Variants in RIMS2 observed in about 807,000 individuals in gnomAD.
RIMS2 encodes regulating synaptic membrane exocytosis 2.
In RIMS2, 59 loss-of-function variants were observed where a neutral mutation model predicts 174.4. The observed-to-expected ratio is 0.34, with a 90% CI of 0.27 to 0.42. The LOEUF is 0.42. Ranked by LOEUF, RIMS2 falls within the 10% of genes least tolerant of loss-of-function variation. The probability of loss-of-function intolerance (pLI) is 1.00; values close to 1 mark genes in which losing one functional copy is unlikely to be tolerated. For synonymous variants in RIMS2, 606 were observed against 572.5 expected, an observed-to-expected ratio of 1.06 and a Z score of -0.84; for missense variants, 1,620 against 1,666.3, an observed-to-expected ratio of 0.97 and a Z score of 0.48.
intron 1 of RIMS2, among the ~76,000 whole-genome samples, chr8:103,649,648 C>CTTTTT (rs71575979): frequency 2.1e-5 from 3 of 143,406 alleles, no homozygotes; most frequent in Non-Finnish European, 3.0e-5. Flanking sequence ...CCTTTTCATT[C>CTTTTT]TTTTTTTTTT....
At chr8:104,142,919 T>A (rs1256912789) in intron 19 of RIMS2, among the ~76,000 whole-genome samples, 1 of 152,198 alleles carries the variant, frequency 6.6e-6, no homozygotes, top group Non-Finnish European at 1.5e-5. Context: ...ATGTTAAAAA[T>A]ACTAAACTTT....
chr8:103,535,803 C>T (rs1839477625), intron 1 of RIMS2, among the ~76,000 whole-genome samples: 1 of 152,154 alleles, frequency 6.6e-6, no homozygotes, highest in African/African-American at 2.4e-5. Context: ...ACATAAGGAA[C>T]AAAGTTCAGA....
At chr8:103,827,759 C>T (rs374136188) in intron 3 of RIMS2, among the ~76,000 whole-genome samples, 22 of 151,986 alleles carry the variant, frequency 1.4e-4, no homozygotes, top group African/African-American at 4.1e-4. Flanking sequence ...CGCTTGAACC[C>T]GGGAGGCAGA....
intron 19 of RIMS2, among the ~76,000 whole-genome samples, chr8:104,065,779 T>A (rs1304831524): frequency 6.6e-6 from 1 of 152,140 alleles, no homozygotes. Context: ...AATTTTCCAA[T>A]TTGGGAACTG....
intron 1 of RIMS2, among the ~76,000 whole-genome samples, chr8:103,648,101 G>C (rs1439409968): frequency 6.6e-6 from 1 of 151,828 alleles, no homozygotes; most frequent in Non-Finnish European, 1.5e-5. Context: ...GCGTCCCAGA[G>C]CTTTGGGTAC....
At chr8:104,080,025 T>C (rs2062100287) in intron 19 of RIMS2, among the ~76,000 whole-genome samples, 2 of 152,050 alleles carry the variant, frequency 1.3e-5, no homozygotes, top group Non-Finnish European at 2.9e-5. Context: ...TGGGTAATAG[T>C]CAAAAGCATG....
chr8:103,939,563 G>T (rs1274412794), intron 13 of RIMS2, among the ~76,000 whole-genome samples: 2 of 152,230 alleles, frequency 1.3e-5, no homozygotes. Context: ...TTTCCACATT[G>T]CGGATAGGCG....
At chr8:103,711,500 G>C (rs1370218253) in intron 2 of RIMS2, among the ~76,000 whole-genome samples, 1 of 152,156 alleles carries the variant, frequency 6.6e-6, no homozygotes, top group African/African-American at 2.4e-5. Flanking sequence ...AGCCAGATTT[G>C]ATGGTTTAAC....
chr8:103,683,765 G>C (rs1488856807), intron 1 of RIMS2, among the ~76,000 whole-genome samples: 1 of 152,134 alleles, frequency 6.6e-6, no homozygotes, highest in East Asian at 1.9e-4. Context: ...TCTTTTAAAT[G>C]GTGGGAGAAG....
At chr8:104,004,184 G>A (rs1483299749) in intron 17 of RIMS2, among the ~76,000 whole-genome samples, 1 of 152,130 alleles carries the variant, frequency 6.6e-6, no homozygotes, top group Non-Finnish European at 1.5e-5. Context: ...AGTTACCTAA[G>A]CTACAGAGTA....
intron 16 of RIMS2, among the ~76,000 whole-genome samples, chr8:103,987,336 C>T (rs955016958): frequency 6.6e-6 from 1 of 151,908 alleles, no homozygotes; most frequent in Non-Finnish European, 1.5e-5. Flanking sequence ...TAAACCTTAC[C>T]ATGAATTTAA....
At chr8:103,508,358 A>C (rs963256683) in intron 1 of RIMS2, among the ~76,000 whole-genome samples, 1 of 151,960 alleles carries the variant, frequency 6.6e-6, no homozygotes, top group African/African-American at 2.4e-5. Context: ...ATCTAGGCTG[A>C]ATCTCAAATG....
At chr8:103,683,863 G>A (rs1297195597) in intron 1 of RIMS2, among the ~76,000 whole-genome samples, 1 of 152,150 alleles carries the variant, frequency 6.6e-6, no homozygotes, top group Admixed American at 6.6e-5. Context: ...TAAACCTGGT[G>A]TGAGATTATC....
chr8:103,558,421 G>C (rs1346657123), intron 1 of RIMS2, among the ~76,000 whole-genome samples: 1 of 151,982 alleles, frequency 6.6e-6, no homozygotes, highest in Non-Finnish European at 1.5e-5. Flanking sequence ...ATGGGGTTTT[G>C]CCATGTTGGC....
chr8:103,804,749 C>T (rs776574574), intron 3 of RIMS2, among the ~76,000 whole-genome samples: 56 of 152,040 alleles, frequency 3.7e-4, no homozygotes, highest in Non-Finnish European at 3.7e-4. Flanking sequence ...ATTTAAAACC[C>T]AAGAGGAGTT....
At chr8:104,106,795 G>A (rs139843241) in intron 19 of RIMS2, among the ~76,000 whole-genome samples, 1 of 152,148 alleles carries the variant, frequency 6.6e-6, no homozygotes. Flanking sequence ...TCTGACCAGT[G>A]ATTCCCTCAT....
chr8:103,565,751 C>A (rs2092275080), intron 1 of RIMS2, among the ~76,000 whole-genome samples: 1 of 152,150 alleles, frequency 6.6e-6, no homozygotes, highest in Admixed American at 6.5e-5. Context: ...ATCAGTGATG[C>A]CAGTGGGCTT....
At chr8:103,677,394 A>G (rs2096828460) in intron 1 of RIMS2, among the ~76,000 whole-genome samples, 1 of 152,174 alleles carries the variant, frequency 6.6e-6, no homozygotes. Context: ...TCTAACTGGA[A>G]TCAGGCCAGA....
intron 1 of RIMS2, among the ~76,000 whole-genome samples, chr8:103,603,161 A>G (rs13272222): frequency 9.4e-6 from 1 of 106,528 alleles, no homozygotes; most frequent in African/African-American, 3.6e-5. Context: ...CCCCACCCCA[A>G]CACAGTCCCC....
Sources: allele counts gnomAD v4.1 joint callset (sites outside exome capture counted in the v4.1 genomes callset), GRCh38; gene constraint gnomAD v4.1.1; transcripts MANE v1.5; gene names NCBI Gene and HGNC (gene_info 2026-07-23, HGNC 2026-07-21).